The following ZSWIM6 variants were observed in gnomAD, a reference collection of about 807,000 sequenced individuals.
ZSWIM6 encodes zinc finger SWIM domain-containing protein 6.
In ZSWIM6, 9 loss-of-function variants were observed where a neutral mutation model predicts 113.2. The observed-to-expected ratio is 0.08, with a 90% CI of 0.05 to 0.14. The LOEUF is 0.14. Among genes scored for constraint, ZSWIM6 ranks in the 10% least tolerant of loss-of-function variants. ZSWIM6 has a pLI of 1.00. For missense variants in ZSWIM6, 1,162 were observed against 1,552.2 expected (o/e 0.75, Z 4.22); for synonymous variants, 611 against 606.5 (o/e 1.01, Z -0.11).
At chr5:61,337,715 C>T (rs1267156976) in intron 1 of ZSWIM6, among the ~76,000 whole-genome samples, 1 of 152,058 alleles carries the variant, frequency 6.6e-6, no homozygotes, top group Non-Finnish European at 1.5e-5. Flanking sequence ...GTATTTAAAA[C>T]AAAAATACTT....
At chr5:61,355,432 AC>A (rs1466850405) in intron 1 of ZSWIM6, among the ~76,000 whole-genome samples, 2 of 750 alleles carry the variant, frequency 2.7e-3, no homozygotes, top group Non-Finnish European at 4.7e-3. Flanking sequence ...AGACTTTAAA[AC>A]ACACACACAC....
chr5:61,542,078 C>T, intron 13 of ZSWIM6, 113 bp downstream of exon 13: 4 of 913,616 alleles, frequency 4.4e-6, no homozygotes, highest in East Asian at 2.7e-5. Context: ...TCCAAGGCTC[C>T]TTCTAGCAGT....
rs1332533100 is a variant in ZSWIM6, at chr5:61,539,456, T to G, written c.2540-140T>G. The G allele has an allele frequency of 6.0e-6, 6 of 1,004,160 alleles. No individual in the cohort carries two copies. In the Admixed American group the frequency reaches 1.2e-4, roughly 20 times the overall value. The allele number at this position is 1,004,160 out of a possible 1,614,324, so 62.2% of individuals were successfully genotyped here. A position where few individuals can be genotyped will look rare whatever the true frequency, so the allele number is the denominator to read the frequency against. On this transcript the variant is annotated intron_variant, in intron 11 of 13. Coordinates refer to ENST00000252744, the MANE Select transcript of ZSWIM6 (RefSeq NM_020928.2). ...CTGTGCCATCTGTGAACATGTTAGG[T>G]AAATTAACTTGTGCTTTATGTTTTG...
intron 1 of ZSWIM6, among the ~76,000 whole-genome samples, chr5:61,446,019 G>A (rs761959585): frequency 5.9e-5 from 9 of 152,156 alleles, no homozygotes; most frequent in Non-Finnish European, 1.0e-4. Flanking sequence ...AATAGCAAAC[G>A]TAGTATGAAA....
At chr5:61,338,164 GTT>G (rs10559419) in intron 1 of ZSWIM6, among the ~76,000 whole-genome samples, 3,450 of 145,306 alleles carry the variant, frequency 0.024, 131 homozygotes, top group African/African-American at 0.08. Context: ...AGTTTTGTGT[GTT>G]TTTTTTTTTT....
At chr5:61,445,172 G>A (rs1441664329) in intron 1 of ZSWIM6, among the ~76,000 whole-genome samples, 2 of 152,182 alleles carry the variant, frequency 1.3e-5, no homozygotes, top group East Asian at 1.9e-4. Flanking sequence ...CGTCAAAAAT[G>A]TGATAGGTCC....
chr5:61,421,699 T>C (rs1746358029), intron 1 of ZSWIM6, among the ~76,000 whole-genome samples: 1 of 152,218 alleles, frequency 6.6e-6, no homozygotes, highest in Non-Finnish European at 1.5e-5. Context: ...TCTCATCATT[T>C]AGCTTCCACT....
rs1264783630 is a variant in ZSWIM6 at position 61,545,269 on chromosome 5, A to G, written c.*952A>G. On this transcript the variant is annotated 3_prime_UTR_variant, in exon 14 of 14. Coordinates refer to ENST00000252744, the MANE Select transcript of ZSWIM6 (RefSeq NM_020928.2). ...TTATACAACTTATGTATACATATAT[A>G]TATGTATACACACAGACACACACAC... 6.6e-6 allele frequency: 1 copy of G among 151,806 alleles called. No homozygotes were observed. Among genetic ancestry groups the G allele is most frequent in the Non-Finnish European group, 1.5e-5 (1 of 67,982 alleles). The allele number at this position is 151,806 out of a possible 1,614,324, so 9.4% of individuals were successfully genotyped here.
At chr5:61,355,409 C>T (rs1052030112) in intron 1 of ZSWIM6, among the ~76,000 whole-genome samples, 5 of 139,722 alleles carry the variant, frequency 3.6e-5, no homozygotes, top group East Asian at 2.3e-4. Flanking sequence ...GTTTACAGTG[C>T]GAATCTCTTG....
chr5:61,431,678 G>C (rs1368591120), intron 1 of ZSWIM6, among the ~76,000 whole-genome samples: 3 of 151,630 alleles, frequency 2.0e-5, no homozygotes, highest in African/African-American at 2.4e-5. Context: ...TCGGGAGGCG[G>C]AGCTTGCAGT....
chr5:61,526,419 C>G, intron 7 of ZSWIM6, 23 bp downstream of exon 7: 1 of 1,551,252 alleles, frequency 6.4e-7, no homozygotes, highest in South Asian at 1.2e-5. Flanking sequence ...GAGTTTGTTT[C>G]CATTGGAATG....
intron 3 of ZSWIM6, 35 bp from the exon 4 acceptor site, chr5:61,494,225 G>A (rs574499045): frequency 9.1e-6 from 14 of 1,542,764 alleles, no homozygotes; most frequent in South Asian, 2.4e-5. Flanking sequence ...TTTTCGTTTT[G>A]AACAATTTTC....
intron 1 of ZSWIM6, among the ~76,000 whole-genome samples, chr5:61,421,712 T>C (rs1410224955): frequency 6.6e-6 from 1 of 152,230 alleles, no homozygotes; most frequent in African/African-American, 2.4e-5. Context: ...CTTCCACTTA[T>C]AAGTGAGAAC....
intron 1 of ZSWIM6, among the ~76,000 whole-genome samples, chr5:61,350,263 A>G (rs938869703): frequency 5.3e-5 from 8 of 152,196 alleles, no homozygotes; most frequent in South Asian, 2.1e-4. Context: ...AATAAAGTCT[A>G]TGGTTACCCT....
chr5:61,466,151 G>T (rs1224063845), intron 1 of ZSWIM6, among the ~76,000 whole-genome samples: 2 of 152,152 alleles, frequency 1.3e-5, no homozygotes, highest in Admixed American at 6.5e-5. Context: ...ATCGATTATT[G>T]TAGTGTGGGG....
chr5:61,537,818 G>A (rs752733772), intron 10 of ZSWIM6, among the ~76,000 whole-genome samples: 9 of 151,950 alleles, frequency 5.9e-5, no homozygotes, highest in Non-Finnish European at 1.0e-4. Flanking sequence ...ACTGAAGGCC[G>A]GCATTTTGAT....
At chr5:61,467,763 A>G (rs1294334658) in intron 1 of ZSWIM6, among the ~76,000 whole-genome samples, 1 of 152,220 alleles carries the variant, frequency 6.6e-6, no homozygotes, top group Admixed American at 6.5e-5. Flanking sequence ...AAAATGGGGA[A>G]AGAGAGCTGG....
At chr5:61,522,300 C>A (rs1749154747) in intron 5 of ZSWIM6, among the ~76,000 whole-genome samples, 1 of 152,070 alleles carries the variant, frequency 6.6e-6, no homozygotes, top group Non-Finnish European at 1.5e-5. Context: ...ATTCATGACA[C>A]TATTTTTGCA....
intron 2 of ZSWIM6, among the ~76,000 whole-genome samples, chr5:61,476,014 A>G (rs1382896313): frequency 6.6e-6 from 1 of 152,208 alleles, no homozygotes; most frequent in African/African-American, 2.4e-5. Context: ...CGCATAGATA[A>G]AAGGGTTAAG....
Sources: allele counts gnomAD v4.1 joint callset (sites outside exome capture counted in the v4.1 genomes callset), GRCh38; gene constraint gnomAD v4.1.1; transcripts MANE v1.5; gene names NCBI Gene and HGNC (gene_info 2026-07-23, HGNC 2026-07-21).